The following FRMD5 variants were observed in gnomAD, a reference collection of about 807,000 sequenced individuals.
The protein encoded by FRMD5 is FERM domain containing 5, also known as FERM domain-containing protein 5.
A neutral mutation model predicts 69.0 loss-of-function variants in FRMD5; 20 were observed. The ratio of observed to expected loss-of-function variants is 0.29; its 90% CI spans 0.20 to 0.42. FRMD5 has a LOEUF of 0.42. Ranked by LOEUF, FRMD5 falls within the 10% of genes least tolerant of loss-of-function variation. The pLI is 1.00. For synonymous variants in FRMD5, 271 were observed against 260.1 expected (o/e 1.04, Z -0.40); for missense variants, 595 against 708.6 (o/e 0.84, Z 1.82).
intron 1 of FRMD5, among the ~76,000 whole-genome samples, chr15:43,933,078 A>C (rs1338752567): frequency 6.6e-6 from 1 of 152,154 alleles, no homozygotes; most frequent in Non-Finnish European, 1.5e-5. Flanking sequence ...AAACAACCTC[A>C]CTGGAACAAC....
chr15:43,880,316 T>G (rs1021140591), intron 13 of FRMD5, among the ~76,000 whole-genome samples: 2 of 152,138 alleles, frequency 1.3e-5, no homozygotes, highest in Admixed American at 6.5e-5. Context: ...CCTTGGGGTT[T>G]TTGTTGGTTG....
intron 13 of FRMD5, 128 bp downstream of exon 13, chr15:43,883,575 T>C: frequency 1.5e-6 from 1 of 663,660 alleles, no homozygotes; most frequent in Non-Finnish European, 2.7e-6. Context: ...TAAAACCTCC[T>C]ACTTGCCACT....
At chr15:44,118,278 T>G (rs2076898899) in intron 1 of FRMD5, among the ~76,000 whole-genome samples, 1 of 152,182 alleles carries the variant, frequency 6.6e-6, no homozygotes, top group Admixed American at 6.5e-5. Flanking sequence ...TTTTCCCTTC[T>G]GGGTATATTG....
At position 43,953,095 on chromosome 15, in the gene FRMD5, A is replaced by G. The variant is rs553312418; in HGVS notation, c.103-28786T>C. ...CTGGTAATTCCGCTTTAGATGTGATAGGAGCCTTGAGCTGCCCCAGGGGCT... is the reference window on the plus strand; with the variant it reads ...CTGGTAATTCCGCTTTAGATGTGATGGGAGCCTTGAGCTGCCCCAGGGGCT... On this transcript the variant is annotated intron_variant, in intron 1 of 13. Transcript: ENST00000417257. Among the ~76,000 whole-genome samples, 15 of 152,332 alleles carry G rather than the reference A, an allele frequency of 9.8e-5. No homozygotes were observed. The East Asian group carries it at 1.7e-3, about 18-fold the overall frequency.
chr15:44,067,431 A>G (rs1037569649), intron 1 of FRMD5, among the ~76,000 whole-genome samples: 13 of 152,228 alleles, frequency 8.5e-5, no homozygotes, highest in Non-Finnish European at 1.9e-4. Flanking sequence ...AATCAGTGTT[A>G]GGCTGCTATA....
intron 1 of FRMD5, among the ~76,000 whole-genome samples, chr15:43,996,722 T>A (rs1305973422): frequency 6.8e-6 from 1 of 146,256 alleles, no homozygotes; most frequent in East Asian, 2.0e-4. Flanking sequence ...CTGATTTTTT[T>A]TTTTTTTTTT....
intron 1 of FRMD5, among the ~76,000 whole-genome samples, chr15:44,185,648 C>G (rs1264238984): frequency 6.6e-6 from 1 of 152,004 alleles, no homozygotes; most frequent in Non-Finnish European, 1.5e-5. Context: ...CAAAAATTAG[C>G]TGAGCGTGGT....
At chr15:44,115,024 C>T (rs1436544737) in intron 1 of FRMD5, among the ~76,000 whole-genome samples, 2 of 152,150 alleles carry the variant, frequency 1.3e-5, no homozygotes, top group African/African-American at 4.8e-5. Context: ...TACTTTCAAA[C>T]ATTGGCAATT....
chr15:44,167,580 T>C (rs1234301588), intron 1 of FRMD5, among the ~76,000 whole-genome samples: 1 of 151,124 alleles, frequency 6.6e-6, no homozygotes, highest in Non-Finnish European at 1.5e-5. Flanking sequence ...TAGTGAGGCA[T>C]TTCATTATCA....
intron 1 of FRMD5, among the ~76,000 whole-genome samples, chr15:44,023,964 T>C (rs929371022): frequency 3.3e-5 from 5 of 152,022 alleles, no homozygotes; most frequent in Non-Finnish European, 7.4e-5. Context: ...CCTTGCAAGG[T>C]TGTTGGATGT....
chr15:43,949,023 C>A (rs1156649217), intron 1 of FRMD5, among the ~76,000 whole-genome samples: 1 of 152,226 alleles, frequency 6.6e-6, no homozygotes, highest in Non-Finnish European at 1.5e-5. Flanking sequence ...GGGACCTCTT[C>A]ATGGGACACT....
chr15:44,120,775 G>C (rs916340790), intron 1 of FRMD5, among the ~76,000 whole-genome samples: 1 of 151,568 alleles, frequency 6.6e-6, no homozygotes, highest in Non-Finnish European at 1.5e-5. Flanking sequence ...TGATCCGCCC[G>C]TCTCAGCCTC....
chr15:44,189,684 G>T (rs923188949), intron 1 of FRMD5, among the ~76,000 whole-genome samples: 1 of 151,902 alleles, frequency 6.6e-6, no homozygotes, highest in Non-Finnish European at 1.5e-5. Flanking sequence ...AGAGACGGGG[G>T]TTTTACCATG....
At chr15:43,957,463 G>A (rs1218156009) in intron 1 of FRMD5, among the ~76,000 whole-genome samples, 1 of 152,206 alleles carries the variant, frequency 6.6e-6, no homozygotes. Flanking sequence ...CTCCCAAAGT[G>A]CTGGGATTAT....
intron 1 of FRMD5, among the ~76,000 whole-genome samples, chr15:44,014,213 G>T (rs758471787): frequency 6.6e-6 from 1 of 152,104 alleles, no homozygotes; most frequent in Non-Finnish European, 1.5e-5. Flanking sequence ...CTAGGTCACA[G>T]AAGACTGCAG....
In FRMD5 at chr15:43,883,819, A is replaced by T; in HGVS notation, c.1029-10T>A. 2 of 1,605,532 alleles carry T rather than the reference A, an allele frequency of 1.2e-6. No homozygotes were observed. Among genetic ancestry groups the T allele is most frequent in the Non-Finnish European group, 1.7e-6 (2 of 1,172,276 alleles). On this transcript the variant is annotated splice_polypyrimidine_tract_variant and intron_variant, in intron 12 of 13. Coordinates refer to ENST00000417257, the MANE Select transcript of FRMD5 (RefSeq NM_032892.5). ...GGGAACCATCCCTGCTCTGAGGTTAAAGAAAAAGAACCTTGTTAATTCAGT... is the reference window on the plus strand; with the variant it reads ...GGGAACCATCCCTGCTCTGAGGTTATAGAAAAAGAACCTTGTTAATTCAGT...
At chr15:43,952,896 A>G (rs550508762) in intron 1 of FRMD5, among the ~76,000 whole-genome samples, 6 of 152,330 alleles carry the variant, frequency 3.9e-5, no homozygotes, top group African/African-American at 1.2e-4. Flanking sequence ...CAGAAAGCAG[A>G]ATTGAGAAAA....
intron 5 of FRMD5, among the ~76,000 whole-genome samples, chr15:43,908,009 C>G (rs565792639): frequency 6.6e-6 from 1 of 152,096 alleles, no homozygotes; most frequent in East Asian, 1.9e-4. Flanking sequence ...ACGTCAAGTA[C>G]TTTTTTGAAG....
chr15:44,110,034 G>A (rs2076775512), intron 1 of FRMD5, among the ~76,000 whole-genome samples: 1 of 151,910 alleles, frequency 6.6e-6, no homozygotes, highest in Non-Finnish European at 1.5e-5. Flanking sequence ...TCACCTTCTT[G>A]TAACTTTGTG....
Sources: gnomAD v4.1 joint callset for allele counts (sites outside exome capture counted in the v4.1 genomes callset) on GRCh38, gnomAD v4.1.1 for gene constraint, MANE v1.5 for transcripts, NCBI Gene and HGNC (gene_info 2026-07-23, HGNC 2026-07-21) for gene names.